Variants in NOL4L observed in about 807,000 individuals in gnomAD.
NOL4L encodes the protein nucleolar protein 4 like, also known as nucleolar protein 4-like.
Under a neutral mutation model 64.5 loss-of-function variants are expected in NOL4L, and 7 were observed. That is an observed-to-expected ratio of 0.11 (90% CI 0.06 to 0.20). The LOEUF is 0.20. Ranked by LOEUF, NOL4L falls within the 10% of genes least tolerant of loss-of-function variation. The pLI is 1.00. For synonymous variants in NOL4L, 413 were observed against 401.0 expected, an observed-to-expected ratio of 1.03 and a Z score of -0.36; for missense variants, 680 against 967.1, an observed-to-expected ratio of 0.70 and a Z score of 3.94.
chr20:32,476,894 G>T (rs1373442885), intron 4 of NOL4L, among the ~76,000 whole-genome samples: 1 of 152,254 alleles, frequency 6.6e-6, no homozygotes, highest in Non-Finnish European at 1.5e-5. Flanking sequence ...GTGAGGAGGG[G>T]AGCCCATGAG....
chr20:32,557,877 C>A (rs980318914), intron 1 of NOL4L, among the ~76,000 whole-genome samples: 5 of 152,162 alleles, frequency 3.3e-5, no homozygotes, highest in Non-Finnish European at 7.3e-5. Context: ...CCAGCATGGG[C>A]AACATAGTGA....
At chr20:32,454,548 T>C (rs1285147465) in intron 6 of NOL4L, among the ~76,000 whole-genome samples, 2 of 152,078 alleles carry the variant, frequency 1.3e-5, no homozygotes, top group Non-Finnish European at 2.9e-5. Flanking sequence ...CTCCCTCTTT[T>C]CCCCCATGCC....
Position 32,463,512 on chromosome 20 carries a change from C to T in NOL4L, c.842-7117G>A, listed in dbSNP as rs775712389. On this transcript the variant is annotated intron_variant, in intron 5 of 10. Transcript: ENST00000621426. This position sits in a 1 kb window ranked among gnomAD's most constrained non-coding sequence, Gnocchi z 5.8. The stretch of plus-strand genomic sequence containing the variant: ...AGGCCCTCCCCACTGTGGCAAAGGG[C>T]GACTCCTTCATCTGGGCAGGACCCG... Among the ~76,000 whole-genome samples, 19 of 152,168 alleles carry T rather than the reference C, an allele frequency of 1.2e-4. No homozygotes were observed. Among genetic ancestry groups the T allele is most frequent in the Non-Finnish European group, 2.6e-4 (18 of 68,012 alleles).
chr20:32,504,747 G>A (rs1270753956), intron 4 of NOL4L, among the ~76,000 whole-genome samples: 1 of 151,990 alleles, frequency 6.6e-6, no homozygotes, highest in East Asian at 2.0e-4. Context: ...GGGACTACAA[G>A]CACGTGCCAC....
In NOL4L at chr20:32,511,431, G is replaced by T. The variant is rs1333487548; in HGVS notation, c.615C>A (p.Val205=). 1.3e-6 allele frequency: 2 copies of T among 1,550,232 alleles called. No homozygotes were observed. Residue 205 remains valine, a synonymous_variant, in exon 4 of 11, where the codon GTC becomes GTA. Coordinates refer to ENST00000621426, the MANE Select transcript of NOL4L (RefSeq NM_001256798.2). ...PKENEPPSPL[V]SGIIDYNMPL... ...GCATGTTGTAATCAATAATCCCAGA[G>T]ACCAGTGGAGATGGAGGCTCGTTTT...
intron 4 of NOL4L, among the ~76,000 whole-genome samples, chr20:32,480,767 C>T (rs1046020950): frequency 6.6e-6 from 1 of 152,178 alleles, no homozygotes; most frequent in Non-Finnish European, 1.5e-5. Context: ...GGGTTCAAAT[C>T]CTTGTTGTGA....
intron 5 of NOL4L, among the ~76,000 whole-genome samples, chr20:32,470,342 C>G (rs144634993): frequency 6.6e-6 from 1 of 152,240 alleles, no homozygotes; most frequent in Non-Finnish European, 1.5e-5. Flanking sequence ...CTGCAGGAGG[C>G]GCACTGGCTC....
chr20:32,510,092 G>A (rs976351646), intron 4 of NOL4L: 5 of 554,380 alleles, frequency 9.0e-6, no homozygotes, highest in South Asian at 8.6e-5. Context: ...CTTTGCCTTT[G>A]TGCGTTGGAA....
At chr20:32,487,934 AT>A (rs36085049) in intron 4 of NOL4L, among the ~76,000 whole-genome samples, 169 of 105,846 alleles carry the variant, frequency 1.6e-3, no homozygotes, top group Middle Eastern at 4.1e-3. Flanking sequence ...TGTTGGTTTT[AT>A]TTTTTTTTTT....
intron 1 of NOL4L, among the ~76,000 whole-genome samples, chr20:32,533,727 A>T (rs1401875661): frequency 6.6e-6 from 1 of 152,204 alleles, no homozygotes; most frequent in Non-Finnish European, 1.5e-5. Flanking sequence ...TCCCTGGCAA[A>T]GTTAATAAAT....
At chr20:32,503,562 AC>A (rs1400354296) in intron 4 of NOL4L, among the ~76,000 whole-genome samples, 5 of 152,158 alleles carry the variant, frequency 3.3e-5, no homozygotes, top group Non-Finnish European at 5.9e-5. Flanking sequence ...CACAGGGTCT[AC>A]CCCACTTATT....
chr20:32,495,182 G>T (rs2016638078), intron 4 of NOL4L, among the ~76,000 whole-genome samples: 1 of 152,214 alleles, frequency 6.6e-6, no homozygotes, highest in Non-Finnish European at 1.5e-5. Context: ...AAGTGTGCCT[G>T]GGCACTTCCT....
chr20:32,500,377 G>T (rs746542728), intron 4 of NOL4L, among the ~76,000 whole-genome samples: 135 of 143,822 alleles, frequency 9.4e-4, no homozygotes, highest in Non-Finnish European at 1.6e-3. Flanking sequence ...TTTTTGAGAC[G>T]GAGTCTTGCT....
chr20:32,533,163 T>G (rs1049645849), intron 1 of NOL4L, among the ~76,000 whole-genome samples: 2 of 152,226 alleles, frequency 1.3e-5, no homozygotes, highest in African/African-American at 4.8e-5. Context: ...TTTATGGAGC[T>G]ACATTCTTGG....
chr20:32,536,496 G>A (rs2018529679), intron 1 of NOL4L: 1 of 155,396 alleles, frequency 6.4e-6, no homozygotes, highest in Admixed American at 6.7e-5. Context: ...GCAGGGGCGG[G>A]GGCGAGGCGG....
At chr20:32,574,825 T>C (rs1979991281) in intron 1 of NOL4L, among the ~76,000 whole-genome samples, 1 of 152,018 alleles carries the variant, frequency 6.6e-6, no homozygotes, top group African/African-American at 2.4e-5. Flanking sequence ...CGCCACAGGC[T>C]GCCAGCCTAC....
chr20:32,514,423 T>C (rs1229251095), intron 3 of NOL4L, among the ~76,000 whole-genome samples: 1 of 150,278 alleles, frequency 6.7e-6, no homozygotes, highest in Non-Finnish European at 1.5e-5. Flanking sequence ...ACCCGGGAGG[T>C]GGAGGTTGCA....
chr20:32,513,818 C>A (rs1438672448), intron 3 of NOL4L, among the ~76,000 whole-genome samples: 1 of 152,022 alleles, frequency 6.6e-6, no homozygotes, highest in Non-Finnish European at 1.5e-5. Flanking sequence ...TGCGATCCAG[C>A]CTGGGTGACA....
At position 32,473,049 on chromosome 20, in the gene NOL4L, CA is replaced by C. The variant is rs571045820; in HGVS notation, c.841+1551del. On this transcript the variant is annotated intron_variant, in intron 5 of 10. Coordinates refer to ENST00000621426, the MANE Select transcript of NOL4L (RefSeq NM_001256798.2). ...TCAGCTACCTGATCCTGACAGCCCC[CA>C]AATCACCAGACCTCCCCAGGACGTG... Among the ~76,000 whole-genome samples the C allele has an allele frequency of 7.6e-3, 1,161 of 152,302 alleles. 5 individuals carry two copies. Among genetic ancestry groups the C allele is most frequent in the Middle Eastern group, 0.017 (5 of 294 alleles).
Sources: gnomAD v4.1 joint callset for allele counts (sites outside exome capture counted in the v4.1 genomes callset) on GRCh38, gnomAD v4.1.1 for gene constraint, Gnocchi (gnomAD v3.1) non-coding constraint, MANE v1.5 for transcripts, NCBI Gene and HGNC (gene_info 2026-07-23, HGNC 2026-07-21) for gene names.